NCAM2: variants seen among roughly 807,000 people sequenced by gnomAD.
The protein encoded by NCAM2 is neural cell adhesion molecule 2, also known as N-CAM-2.
In NCAM2, 30 loss-of-function variants were observed where a neutral mutation model predicts 98.1. The ratio of observed to expected loss-of-function variants is 0.31; its 90% CI spans 0.23 to 0.41. NCAM2 has a LOEUF of 0.41. Among genes scored for constraint, NCAM2 ranks in the 10% least tolerant of loss-of-function variants. The probability of loss-of-function intolerance (pLI) is 1.00; values close to 1 mark genes in which losing one functional copy is unlikely to be tolerated. For synonymous variants in NCAM2, 368 were observed against 342.4 expected (o/e 1.07, Z -0.83); for missense variants, 867 against 1,005.8 (o/e 0.86, Z 1.87).
intron 1 of NCAM2, among the ~76,000 whole-genome samples, chr21:21,005,396 A>C (rs1426931715): frequency 6.6e-6 from 1 of 152,198 alleles, no homozygotes; most frequent in Non-Finnish European, 1.5e-5. Flanking sequence ...AAAAGGTTAT[A>C]TCTTAATAGA....
chr21:21,351,414 CTTTA>C (rs1211936156), intron 8 of NCAM2, among the ~76,000 whole-genome samples: 4 of 152,132 alleles, frequency 2.6e-5, no homozygotes, highest in Admixed American at 2.0e-4. Context: ...ACCCTGACCT[CTTTA>C]TTTAATTAAT....
Position 21,203,527 on chromosome 21 carries a change from C to T in NCAM2, c.56-77051C>T, listed in dbSNP as rs562702874. Among the ~76,000 whole-genome samples the T allele has an allele frequency of 3.3e-5, 5 of 152,240 alleles. No homozygotes were observed. The South Asian group carries it at 6.2e-4, about 19-fold the overall frequency. On this transcript the variant is annotated intron_variant, in intron 1 of 17. Transcript: ENST00000400546. ...GTCAGGGTGAGTGAATTTAGAACTG[C>T]TTATACAATTGTCCAGTAGTCTGAT...
rs2077360892 is a variant in NCAM2, at chr21:21,432,158, A to G, written c.1531A>G (p.Thr511Ala). Residue 511 changes from threonine (T) to alanine (A), a missense_variant, in exon 12 of 18, where the codon ACG (threonine) becomes GCG (alanine). Physicochemically the swap from Thr to Ala is moderately conservative, Grantham distance 58. This residue lies in a region of NCAM2 where 234 missense variants were observed against 333.8 expected (regional missense o/e 0.70). Coordinates refer to ENST00000400546, the MANE Select transcript of NCAM2 (RefSeq NM_004540.5). ...GVKIIELSQT[T>A]AKVSFNKPDS... ...GAAGATCATAGAGCTGTCGCAGACC[A>G]CGGCCAAGGTTTCCTTCAACAAACC... The G allele has an allele frequency of 6.2e-7, 1 of 1,613,976 alleles. No homozygotes were observed. The highest frequency in any genetic ancestry group is 1.3e-5 in the African/African-American group (1 of 74,920).
intron 1 of NCAM2, among the ~76,000 whole-genome samples, chr21:21,021,371 T>A (rs1480408017): frequency 6.6e-6 from 1 of 152,172 alleles, no homozygotes; most frequent in African/African-American, 2.4e-5. Flanking sequence ...ATGATGACTT[T>A]TTTGGTTCTC....
intron 1 of NCAM2, among the ~76,000 whole-genome samples, chr21:21,228,478 C>T (rs2070481400): frequency 1.3e-5 from 2 of 150,990 alleles, no homozygotes; most frequent in Admixed American, 6.6e-5. Flanking sequence ...AATAGATAAA[C>T]TACAATTTAT....
intron 8 of NCAM2, among the ~76,000 whole-genome samples, chr21:21,343,352 TACACATACACACACACAC>T (rs943602332): frequency 2.7e-5 from 3 of 110,074 alleles, no homozygotes; most frequent in Non-Finnish European, 4.0e-5. Flanking sequence ...CAACTATCTA[TACACATACACACACACAC>T]ACACACACAC....
At chr21:21,247,038 G>T (rs1183829215) in intron 1 of NCAM2, among the ~76,000 whole-genome samples, 2 of 127,614 alleles carry the variant, frequency 1.6e-5, no homozygotes, top group African/African-American at 5.8e-5. Context: ...AAAAAATTTA[G>T]ACTAGGCGCG....
intron 6 of NCAM2, among the ~76,000 whole-genome samples, chr21:21,329,499 T>C (rs1414833164): frequency 1.3e-5 from 2 of 152,198 alleles, no homozygotes; most frequent in African/African-American, 4.8e-5. Flanking sequence ...GGGACATATT[T>C]TGTAGAACAT....
intron 9 of NCAM2, among the ~76,000 whole-genome samples, chr21:21,375,126 C>T (rs948357458): frequency 2.7e-5 from 4 of 150,212 alleles, no homozygotes; most frequent in African/African-American, 9.8e-5. Context: ...AACTAACCTG[C>T]ACATTGTGCA....
At chr21:21,495,816 A>G (rs1987186588) in intron 15 of NCAM2, among the ~76,000 whole-genome samples, 1 of 151,644 alleles carries the variant, frequency 6.6e-6, no homozygotes, top group African/African-American at 2.4e-5. Context: ...CTCAAACATT[A>G]TTTTCTTTAT....
At chr21:21,508,818 T>A (rs1472338403) in intron 15 of NCAM2, 33 bp from the exon 16 acceptor site, 2 of 626,738 alleles carry the variant, frequency 3.2e-6, no homozygotes, top group African/African-American at 5.6e-5. Flanking sequence ...CTTTTTTTTT[T>A]TTTTTTTTTT....
chr21:21,233,973 A>C (rs2826744), intron 1 of NCAM2, among the ~76,000 whole-genome samples: 10,609 of 151,844 alleles, frequency 0.07, 748 homozygotes, highest in East Asian at 0.35. Context: ...GTTTATCAGT[A>C]GGTATATACA....
At chr21:21,401,064 T>C (rs2145872277) in intron 9 of NCAM2, among the ~76,000 whole-genome samples, 1 of 152,326 alleles carries the variant, frequency 6.6e-6, no homozygotes, top group Middle Eastern at 3.4e-3. Context: ...ACATCTTTTC[T>C]ACTTGACAGA....
rs1569083625 is a variant in NCAM2, at chr21:21,153,987, T to G, written c.56-126591T>G. Among the ~76,000 whole-genome samples, 3 of 151,916 alleles carry G rather than the reference T, an allele frequency of 2.0e-5. No individual in the cohort carries two copies. The East Asian group carries it at 5.8e-4, about 29-fold the overall frequency. On this transcript the variant is annotated intron_variant, in intron 1 of 17. Coordinates refer to ENST00000400546, the MANE Select transcript of NCAM2 (RefSeq NM_004540.5). ...TCTTGGTTAAATATATGATTAAGTT[T>G]ATAAATGAGATAGAGAATATGTGAT...
In NCAM2 at chr21:21,308,337, A is replaced by G. The variant is rs1004419186; in HGVS notation, c.620-16046A>G. Among the ~76,000 whole-genome samples the G allele has an allele frequency of 2.0e-5, 3 of 152,068 alleles. No individual in the cohort carries two copies. The East Asian group carries it at 5.8e-4, about 29-fold the overall frequency. On this transcript the variant is annotated intron_variant, in intron 5 of 17. Transcript: ENST00000400546. ...GTTAATGATTCAGTTCACCTACTGT[A>G]TGTCTGAGAAAACCTTTTTTTACTT...
chr21:21,296,706 C>G (rs1182339955), intron 5 of NCAM2, among the ~76,000 whole-genome samples: 1 of 151,582 alleles, frequency 6.6e-6, no homozygotes, highest in Non-Finnish European at 1.5e-5. Flanking sequence ...GGGGCCTTTA[C>G]TAAAGGGCAA....
intron 5 of NCAM2, among the ~76,000 whole-genome samples, chr21:21,299,300 C>CT (rs200868473): frequency 0.059 from 8,197 of 138,588 alleles, 426 homozygotes; most frequent in East Asian, 0.2. Context: ...TATCTCTTGC[C>CT]TTTTTTTTTT....
At chr21:21,069,446 A>C (rs1021850028) in intron 1 of NCAM2, among the ~76,000 whole-genome samples, 1 of 152,182 alleles carries the variant, frequency 6.6e-6, no homozygotes, top group African/African-American at 2.4e-5. Flanking sequence ...CAAACCAAAA[A>C]GGTTTAATTA....
At chr21:21,450,202 A>G (rs2146123320) in intron 12 of NCAM2, among the ~76,000 whole-genome samples, 1 of 152,180 alleles carries the variant, frequency 6.6e-6, no homozygotes, top group South Asian at 2.1e-4. Context: ...AATCACACTG[A>G]ATAAATGATT....
Sources: allele counts gnomAD v4.1 joint callset (sites outside exome capture counted in the v4.1 genomes callset), GRCh38; gene constraint gnomAD v4.1.1; regional missense constraint gnomAD v4.1.1; transcripts MANE v1.5; gene names NCBI Gene and HGNC (gene_info 2026-07-23, HGNC 2026-07-21).